CAMK4: variants seen among roughly 807,000 people sequenced by gnomAD.
The protein encoded by CAMK4 is calcium/calmodulin dependent protein kinase IV.
In CAMK4, 22 loss-of-function variants were observed where a neutral mutation model predicts 44.9. The observed-to-expected ratio is 0.49, with a 90% CI of 0.35 to 0.70. The LOEUF (loss-of-function observed/expected upper bound fraction) is 0.70, where lower values mean the gene tolerates loss of function less well. Among genes scored for constraint, CAMK4 ranks in the 30% least tolerant of loss-of-function variants. CAMK4 has a pLI of 0.01. For synonymous variants in CAMK4, 218 were observed against 215.4 expected (o/e 1.01, Z -0.11); for missense variants, 498 against 586.8 (o/e 0.85, Z 1.56).
At chr5:111,325,392 C>T (rs918771820) in intron 1 of CAMK4, among the ~76,000 whole-genome samples, 3 of 151,894 alleles carry the variant, frequency 2.0e-5, no homozygotes, top group Non-Finnish European at 2.9e-5. Flanking sequence ...GTAGGATTGC[C>T]GGGTCAAATG....
intron 9 of CAMK4, among the ~76,000 whole-genome samples, chr5:111,481,344 A>G (rs1048196168): frequency 3.3e-5 from 5 of 152,170 alleles, no homozygotes; most frequent in African/African-American, 4.8e-5. Flanking sequence ...CATGACTACT[A>G]TCAGATTTTT....
At chr5:111,265,279 G>A (rs1750187335) in intron 1 of CAMK4, among the ~76,000 whole-genome samples, 1 of 152,146 alleles carries the variant, frequency 6.6e-6, no homozygotes, top group South Asian at 2.1e-4. Context: ...CTATCTGCCA[G>A]GTGAAATGCA....
chr5:111,242,682 C>T (rs56858603), intron 1 of CAMK4, among the ~76,000 whole-genome samples: 31,497 of 152,012 alleles, frequency 0.21, 3,564 homozygotes, highest in Non-Finnish European at 0.26. Flanking sequence ...TCAGAACAGC[C>T]GTTGCGCTTG....
chr5:111,369,055 T>C (rs1232238852), intron 2 of CAMK4, among the ~76,000 whole-genome samples: 1 of 148,886 alleles, frequency 6.7e-6, no homozygotes, highest in South Asian at 2.1e-4. Context: ...AATAATAATA[T>C]AATAATAATA....
chr5:111,405,982 G>A (rs1752409578), intron 5 of CAMK4, among the ~76,000 whole-genome samples: 1 of 151,932 alleles, frequency 6.6e-6, no homozygotes, highest in South Asian at 2.1e-4. Flanking sequence ...ATTTAAAGTA[G>A]GAAACTGCAG....
At chr5:111,377,402 G>T (rs1751253767) in intron 4 of CAMK4, among the ~76,000 whole-genome samples, 1 of 151,620 alleles carries the variant, frequency 6.6e-6, no homozygotes, top group African/African-American at 2.4e-5. Flanking sequence ...TTAGAAGTCT[G>T]TGTAAAGAGT....
chr5:111,373,585 T>G (rs1246125537), intron 2 of CAMK4, among the ~76,000 whole-genome samples: 1 of 152,158 alleles, frequency 6.6e-6, no homozygotes, highest in African/African-American at 2.4e-5. Context: ...GTCTTGAAAG[T>G]TGTGATTGGT....
intron 4 of CAMK4, among the ~76,000 whole-genome samples, chr5:111,393,748 A>C (rs1751895842): frequency 6.6e-6 from 1 of 152,128 alleles, no homozygotes. Flanking sequence ...AGAGAAGATC[A>C]GGAAAAATAA....
intron 5 of CAMK4, among the ~76,000 whole-genome samples, chr5:111,419,471 T>G (rs907242170): frequency 3.2e-4 from 49 of 152,094 alleles, no homozygotes; most frequent in African/African-American, 6.5e-4. Flanking sequence ...GTCAATTTTG[T>G]CTTTTGTTGC....
In CAMK4 at chr5:111,485,677, G is replaced by A. The variant is rs562720106; in HGVS notation, c.*1211G>A. ...GAGAATGTGGCTGCCAATAAATTTA[G>A]CACAATGCAATTTATTTACCTTAAA... is the stretch of plus-strand genomic sequence containing the variant. On this transcript the variant is annotated 3_prime_UTR_variant, in exon 11 of 11. Transcript: ENST00000282356. The A allele has an allele frequency of 6.6e-4, 100 of 152,080 alleles. No individual in the cohort carries two copies. Among genetic ancestry groups the A allele is most frequent in the African/African-American group, 2.3e-3 (95 of 41,494 alleles). The allele number at this position is 152,080 out of a possible 1,614,324, so 9.4% of individuals were successfully genotyped here.
chr5:111,320,558 G>A (rs1228934835), intron 1 of CAMK4, among the ~76,000 whole-genome samples: 1 of 152,198 alleles, frequency 6.6e-6, no homozygotes, highest in Admixed American at 6.5e-5. Context: ...CCAGGGTGGA[G>A]TGCAATGGCA....
chr5:111,358,481 T>C (rs567979790), intron 2 of CAMK4, among the ~76,000 whole-genome samples: 8 of 152,032 alleles, frequency 5.3e-5, no homozygotes, highest in Admixed American at 4.6e-4. Context: ...ATCAGATGGA[T>C]AGTTATATCT....
intron 1 of CAMK4, among the ~76,000 whole-genome samples, chr5:111,255,634 C>T (rs141457948): frequency 1.0e-3 from 158 of 152,260 alleles, no homozygotes; most frequent in African/African-American, 3.6e-3. Context: ...GAGCCTGTCT[C>T]GGGAATGGAA....
chr5:111,434,030 C>T (rs1753556101), intron 5 of CAMK4, among the ~76,000 whole-genome samples: 1 of 152,132 alleles, frequency 6.6e-6, no homozygotes, highest in African/African-American at 2.4e-5. Context: ...TGCGCGGTGG[C>T]TCATGCCTGT....
chr5:111,300,936 T>C (rs1269263857), intron 1 of CAMK4, among the ~76,000 whole-genome samples: 2 of 152,198 alleles, frequency 1.3e-5, no homozygotes, highest in Non-Finnish European at 2.9e-5. Context: ...CTGTTGTGTT[T>C]ATAAACTCAG....
intron 1 of CAMK4, among the ~76,000 whole-genome samples, chr5:111,269,126 T>C (rs373091125): frequency 6.6e-6 from 1 of 152,216 alleles, no homozygotes; most frequent in African/African-American, 2.4e-5. Flanking sequence ...GTTTTGTGCA[T>C]GGAAACTGTA....
intron 5 of CAMK4, among the ~76,000 whole-genome samples, chr5:111,442,989 G>T (rs894703771): frequency 9.4e-5 from 14 of 148,890 alleles, no homozygotes; most frequent in African/African-American, 2.4e-4. Context: ...CATTTTTTTT[G>T]AATATAAAGG....
chr5:111,406,528 T>A (rs1172994141), intron 5 of CAMK4, among the ~76,000 whole-genome samples: 1 of 152,006 alleles, frequency 6.6e-6, no homozygotes, highest in Non-Finnish European at 1.5e-5. Context: ...CTGGCCAATT[T>A]TTTTCTTTTT....
chr5:111,308,779 C>T (rs961028181), intron 1 of CAMK4, among the ~76,000 whole-genome samples: 4 of 152,096 alleles, frequency 2.6e-5, no homozygotes, highest in African/African-American at 9.7e-5. Context: ...AAAGTGCCTT[C>T]TGTAATCTTA....
Sources: gnomAD v4.1 joint callset for allele counts (sites outside exome capture counted in the v4.1 genomes callset) on GRCh38, gnomAD v4.1.1 for gene constraint, MANE v1.5 for transcripts, NCBI Gene and HGNC (gene_info 2026-07-23, HGNC 2026-07-21) for gene names.